DYNC2H1: variants seen among roughly 807,000 people sequenced by gnomAD.
DYNC2H1 encodes cytoplasmic dynein 2 heavy chain 1.
In DYNC2H1, 410 loss-of-function variants were observed where a neutral mutation model predicts 570.0. The ratio of observed to expected loss-of-function variants is 0.72; its 90% confidence interval spans 0.66 to 0.78. The LOEUF (loss-of-function observed/expected upper bound fraction) is 0.78, where lower values mean the gene tolerates loss of function less well. Ranked by LOEUF, DYNC2H1 falls within the 30% of genes least tolerant of loss-of-function variation. The pLI is 0.00. For synonymous variants in DYNC2H1, 1,688 were observed against 1,677.6 expected, an observed-to-expected ratio of 1.01 and a Z score of -0.15; for missense variants, 4,865 against 5,046.4, an observed-to-expected ratio of 0.96 and a Z score of 1.09.
At chr11:103,294,660 T>A (rs1386841162) in intron 75 of DYNC2H1, among the ~76,000 whole-genome samples, 2 of 152,200 alleles carry the variant, frequency 1.3e-5, no homozygotes, top group African/African-American at 4.8e-5. Context: ...GGCACCATGC[T>A]GAGTCATACC....
At chr11:103,411,199 G>A (rs1193538874) in intron 84 of DYNC2H1, among the ~76,000 whole-genome samples, 3 of 152,148 alleles carry the variant, frequency 2.0e-5, no homozygotes, top group African/African-American at 7.2e-5. Context: ...GTCATTTACA[G>A]TTCTAGAAAT....
At chr11:103,436,939 AT>A (rs1350953400) in intron 85 of DYNC2H1, among the ~76,000 whole-genome samples, 3 of 152,120 alleles carry the variant, frequency 2.0e-5, no homozygotes, top group East Asian at 3.9e-4. Context: ...TCCAAAAACC[AT>A]TTAACTTGGA....
At chr11:103,348,402 A>G (rs1939864539) in intron 82 of DYNC2H1, among the ~76,000 whole-genome samples, 1 of 152,204 alleles carries the variant, frequency 6.6e-6, no homozygotes, top group Non-Finnish European at 1.5e-5. Flanking sequence ...ACAACAAGAT[A>G]GTGAACATCC....
chr11:103,383,851 TA>T (rs1311103948), intron 83 of DYNC2H1, among the ~76,000 whole-genome samples: 1 of 152,202 alleles, frequency 6.6e-6, no homozygotes, highest in African/African-American at 2.4e-5. Flanking sequence ...CACAGCTTGA[TA>T]GGCATGTTTT....
At chr11:103,398,841 A>G (rs1299911073) in intron 83 of DYNC2H1, among the ~76,000 whole-genome samples, 1 of 152,166 alleles carries the variant, frequency 6.6e-6, no homozygotes, top group Non-Finnish European at 1.5e-5. Flanking sequence ...TTGTTAAAGC[A>G]TATATATAGA....
intron 87 of DYNC2H1, among the ~76,000 whole-genome samples, chr11:103,467,066 C>T (rs193263757): frequency 2.0e-5 from 3 of 151,754 alleles, no homozygotes; most frequent in Admixed American, 1.3e-4. Flanking sequence ...ATGGATGCAC[C>T]TTAAAACCAA....
In DYNC2H1 at chr11:103,277,991, G is replaced by A. The variant is rs1048445401; in HGVS notation, c.10696-2357G>A. Reference sequence around the variant, plus strand: ...ATTGTTAATATTTCTCCTTATGTTGGCTCTGGTAGGTTGTGCCCTAGGTTA... The same window carrying A: ...ATTGTTAATATTTCTCCTTATGTTGACTCTGGTAGGTTGTGCCCTAGGTTA... On this transcript the variant is annotated intron_variant, in intron 70 of 88. Transcript: ENST00000375735. This position sits in a 1 kb window ranked among gnomAD's most constrained non-coding sequence, Gnocchi z 4.3. 6.6e-6 allele frequency among the ~76,000 whole-genome samples: 1 copy of A among 152,080 alleles called. No individual in the cohort carries two copies. Among genetic ancestry groups the A allele is most frequent in the African/African-American group, 2.4e-5 (1 of 41,414 alleles).
intron 81 of DYNC2H1, among the ~76,000 whole-genome samples, chr11:103,323,596 T>C (rs924763874): frequency 8.5e-5 from 13 of 152,050 alleles, no homozygotes; most frequent in African/African-American, 3.1e-4. Context: ...CATGGTAGCT[T>C]ACATATAGTA....
At chr11:103,366,693 C>T (rs1940923363) in intron 83 of DYNC2H1, among the ~76,000 whole-genome samples, 1 of 152,046 alleles carries the variant, frequency 6.6e-6, no homozygotes, top group Admixed American at 6.5e-5. Context: ...TAGTTGACTC[C>T]TCTGTGAAAT....
intron 84 of DYNC2H1, among the ~76,000 whole-genome samples, chr11:103,431,511 G>A (rs924308126): frequency 6.6e-6 from 1 of 152,034 alleles, no homozygotes; most frequent in African/African-American, 2.4e-5. Context: ...CTGTAAAATG[G>A]AAATTATAAT....
chr11:103,248,122 G>T (rs186730147), intron 65 of DYNC2H1, among the ~76,000 whole-genome samples: 1 of 152,002 alleles, frequency 6.6e-6, no homozygotes, highest in Non-Finnish European at 1.5e-5. Flanking sequence ...TGGCTGTAAC[G>T]CAAGCAGTTG....
Position 103,456,255 on chromosome 11 carries a change from T to A in DYNC2H1, c.12567-20T>A. 6.3e-7 allele frequency: 1 copy of A among 1,582,984 alleles called. No individual in the cohort carries two copies. The highest frequency in any genetic ancestry group is 8.6e-7 in the Non-Finnish European group (1 of 1,159,348). On this transcript the variant is annotated intron_variant, in intron 86 of 88. Transcript: ENST00000375735. The stretch of plus-strand genomic sequence containing the variant: ...TCCTAAGGATTATTGATTTGTGACT[T>A]TGATGCTTTACCTTTACAGGGCAGT...
intron 84 of DYNC2H1, chr11:103,405,945 G>A (rs902204098): frequency 2.0e-5 from 3 of 151,974 alleles, no homozygotes; most frequent in African/African-American, 4.8e-5. Context: ...GTTGAATTGC[G>A]AATTCAAAGG....
intron 13 of DYNC2H1, among the ~76,000 whole-genome samples, chr11:103,132,762 C>T (rs1314062441): frequency 6.6e-6 from 1 of 151,784 alleles, no homozygotes; most frequent in African/African-American, 2.4e-5. Context: ...AAGTTTAGTG[C>T]TCCATTTTAC....
rs1210152597 is a variant in DYNC2H1 at position 103,254,926 on chromosome 11, C to G, written c.10207-489C>G. Among the ~76,000 whole-genome samples the G allele has an allele frequency of 1.3e-5, 2 of 151,976 alleles. No homozygotes were observed. Among genetic ancestry groups the G allele is most frequent in the South Asian group, 2.1e-4 (1 of 4,816 alleles). On this transcript the variant is annotated intron_variant, in intron 66 of 88. Transcript: ENST00000375735. The surrounding 1 kb of genome is among the most constrained non-coding windows in gnomAD (Gnocchi z 4.9). ...AGCTGGGATTACAGGCGCCCACCACCACGCCTGGCTAATTTTTTGTATTTT... is the reference window on the plus strand; with the variant it reads ...AGCTGGGATTACAGGCGCCCACCACGACGCCTGGCTAATTTTTTGTATTTT...
chr11:103,278,522 ATGGAATTTATATCCAG>A (rs571435403), intron 70 of DYNC2H1, among the ~76,000 whole-genome samples: 8 of 152,234 alleles, frequency 5.3e-5, no homozygotes, highest in African/African-American at 1.9e-4. Flanking sequence ...AATAGGAGGG[ATGGAATTTATATCCAG>A]TTTCTTGATT....
At chr11:103,362,141 A>G (rs192094542) in intron 83 of DYNC2H1, among the ~76,000 whole-genome samples, 1 of 152,212 alleles carries the variant, frequency 6.6e-6, no homozygotes, top group African/African-American at 2.4e-5. Flanking sequence ...TTAGAGAGGG[A>G]AAGTAAGTAT....
Position 103,319,517 on chromosome 11 carries a change from A to G in DYNC2H1, c.11726-1512A>G, listed in dbSNP as rs1938051620. On this transcript the variant is annotated intron_variant, in intron 80 of 88. Transcript: ENST00000375735. This position sits in a 1 kb window ranked among gnomAD's most constrained non-coding sequence, Gnocchi z 4.3. ...CAGAAGTTTAAATTACAAAAGCTAC[A>G]TGAAGCATTTAACATTTAGTACATT... is the stretch of plus-strand genomic sequence containing the variant. Among the ~76,000 whole-genome samples the G allele has an allele frequency of 6.6e-6, 1 of 152,168 alleles. No homozygotes were observed. The highest frequency in any genetic ancestry group is 2.4e-5 in the African/African-American group (1 of 41,448).
rs2135115788 is a variant in DYNC2H1, at chr11:103,209,740, A to G, written c.8455-136A>G. The G allele has an allele frequency of 3.5e-6, 2 of 568,522 alleles. No homozygotes were observed. Among genetic ancestry groups the G allele is most frequent in the East Asian group, 4.3e-5 (1 of 23,304 alleles). 35.2% of individuals were successfully genotyped at this position (568,522 alleles called of 1,614,324 possible). A position where few individuals can be genotyped will look rare whatever the true frequency, so the allele number is the denominator to read the frequency against. ...AATCATTTCTTCTAAAGATTTCTGT[A>G]TTATTTTTGTCTCTTAGTCTGGAAT... On this transcript the variant is annotated intron_variant, in intron 52 of 88. Coordinates refer to ENST00000375735, the MANE Select transcript of DYNC2H1 (RefSeq NM_001377.3). This position sits in a 1 kb window ranked among gnomAD's most constrained non-coding sequence, Gnocchi z 4.2.
Sources: allele counts gnomAD v4.1 joint callset (sites outside exome capture counted in the v4.1 genomes callset), GRCh38; gene constraint gnomAD v4.1.1; non-coding constraint Gnocchi (gnomAD v3.1); transcripts MANE v1.5; gene names NCBI Gene and HGNC (gene_info 2026-07-23, HGNC 2026-07-21).